Variants in FAM117A observed in about 807,000 individuals in gnomAD.
FAM117A encodes the protein family with sequence similarity 117 member A.
In FAM117A, 21 loss-of-function variants were observed where a neutral mutation model predicts 44.1. That is an observed-to-expected ratio of 0.48 (90% CI 0.34 to 0.69). The LOEUF is 0.69. FAM117A is among the 30% of genes least tolerant of loss of function. The probability of loss-of-function intolerance (pLI) is 0.01; values close to 1 mark genes in which losing one functional copy is unlikely to be tolerated. For missense variants in FAM117A, 498 were observed against 589.9 expected, an observed-to-expected ratio of 0.84 and a Z score of 1.61; for synonymous variants, 220 against 238.3, an observed-to-expected ratio of 0.92 and a Z score of 0.71.
chr17:49,788,111 T>C (rs980214165), intron 1 of FAM117A, among the ~76,000 whole-genome samples: 9 of 152,178 alleles, frequency 5.9e-5, no homozygotes, highest in African/African-American at 9.7e-5. Context: ...ACTAACTCAC[T>C]TGCTGTTAGC....
intron 1 of FAM117A, among the ~76,000 whole-genome samples, chr17:49,778,156 C>T (rs2073780049): frequency 6.6e-6 from 1 of 152,194 alleles, no homozygotes; most frequent in African/African-American, 2.4e-5. Flanking sequence ...TGACCCTATT[C>T]ATACTTTTCT....
chr17:49,778,570 C>T (rs1024296616), intron 1 of FAM117A, among the ~76,000 whole-genome samples: 1 of 152,212 alleles, frequency 6.6e-6, no homozygotes, highest in African/African-American at 2.4e-5. Context: ...TCTTCCTTTG[C>T]AGGTAGAGTG....
At chr17:49,773,911 G>A (rs1010825076) in intron 1 of FAM117A, among the ~76,000 whole-genome samples, 3 of 151,914 alleles carry the variant, frequency 2.0e-5, no homozygotes, top group South Asian at 4.1e-4. Flanking sequence ...GCGCCACCAC[G>A]CCCAGCTAAT....
rs766220821 is a variant in FAM117A at position 49,720,389 on chromosome 17, A to G, written c.510T>C (p.Ser170=). 6.2e-7 allele frequency: 1 copy of G among 1,613,784 alleles called. No homozygotes were observed. The highest frequency in any genetic ancestry group is 1.7e-5 in the Admixed American group (1 of 60,018). ...QQLQRTKLSR[S]GKEKERGSPL... is the part of the protein sequence containing the mutation. ...GTGAACCTCGCTCCTTCTCTTTCCC[A>G]CTGCGGCTCAGCTTCGTCCTCTGCA... Residue 170 remains serine (S), a synonymous_variant, in exon 4 of 8, where the codon AGT becomes AGC. Transcript: ENST00000240364.
chr17:49,788,922 G>A, upstream of FAM117A: 1 of 1,381,664 alleles, frequency 7.2e-7, no homozygotes, highest in Non-Finnish European at 9.8e-7. Flanking sequence ...AGTTGGCCAC[G>A]CCTCACAGTG....
chr17:49,732,523 T>C (rs748843256), intron 2 of FAM117A, 28 bp downstream of exon 2: 2 of 1,612,684 alleles, frequency 1.2e-6, no homozygotes, highest in Admixed American at 1.7e-5. Context: ...TCCTTATCCC[T>C]TATCCCATCA....
At chr17:49,737,165 T>C (rs535874304) in intron 1 of FAM117A, among the ~76,000 whole-genome samples, 1 of 152,334 alleles carries the variant, frequency 6.6e-6, no homozygotes, top group East Asian at 1.9e-4. Context: ...TGCAACCTTG[T>C]TGCCTAGTAA....
intron 2 of FAM117A, among the ~76,000 whole-genome samples, chr17:49,732,038 G>C (rs2073587590): frequency 6.6e-6 from 1 of 152,126 alleles, no homozygotes; most frequent in Non-Finnish European, 1.5e-5. Flanking sequence ...CGCCTGCCTA[G>C]GCCTCCAAAA....
intron 2 of FAM117A, among the ~76,000 whole-genome samples, chr17:49,725,580 C>A: frequency 6.6e-6 from 1 of 152,250 alleles, no homozygotes; most frequent in East Asian, 1.9e-4. Context: ...GAGTCATGTG[C>A]GTATCTGAGG....
chr17:49,736,534 T>C (rs751044696), intron 1 of FAM117A, among the ~76,000 whole-genome samples: 3 of 152,214 alleles, frequency 2.0e-5, no homozygotes, highest in African/African-American at 4.8e-5. Flanking sequence ...TGTGAGCCAC[T>C]GCACCCGGCC....
At chr17:49,714,566 G>A (rs187631390) in intron 7 of FAM117A, among the ~76,000 whole-genome samples, 20 of 151,924 alleles carry the variant, frequency 1.3e-4, no homozygotes, top group Middle Eastern at 6.8e-3. Context: ...TCGAACTCCT[G>A]GCCTCAAGTG....
upstream of FAM117A, chr17:49,788,688 G>T (rs1567843363): frequency 2.4e-6 from 2 of 835,026 alleles, no homozygotes; most frequent in East Asian, 6.5e-5. Flanking sequence ...TGCGCAGAAC[G>T]CTCCAGACGC....
intron 1 of FAM117A, among the ~76,000 whole-genome samples, chr17:49,788,146 T>C (rs1157995862): frequency 6.6e-6 from 1 of 152,230 alleles, no homozygotes; most frequent in East Asian, 1.9e-4. Flanking sequence ...ATGTCTCCTC[T>C]ACCAGACAGG....
At chr17:49,749,863 T>A (rs149734418) in intron 1 of FAM117A, among the ~76,000 whole-genome samples, 1 of 148,538 alleles carries the variant, frequency 6.7e-6, no homozygotes, top group African/African-American at 2.4e-5. Context: ...TCCTAAGAGG[T>A]GGCCTACTAT....
At chr17:49,769,231 G>C (rs917787048) in intron 1 of FAM117A, among the ~76,000 whole-genome samples, 1 of 151,810 alleles carries the variant, frequency 6.6e-6, no homozygotes, top group Non-Finnish European at 1.5e-5. Context: ...GGAGGCGGAG[G>C]CTGCAGTAAG....
At chr17:49,720,483 A>G (rs1286287142) in intron 3 of FAM117A, 47 bp from the exon 4 acceptor site, 1 of 1,473,142 alleles carries the variant, frequency 6.8e-7, no homozygotes, top group East Asian at 2.3e-5. Flanking sequence ...AGGAAAGCCA[A>G]AGTGCACTGG....
intron 1 of FAM117A, among the ~76,000 whole-genome samples, chr17:49,758,064 C>T (rs1045939730): frequency 6.6e-6 from 1 of 152,222 alleles, no homozygotes; most frequent in Admixed American, 6.5e-5. Flanking sequence ...TGTGGTGGCT[C>T]ACGCCTGTAA....
intron 1 of FAM117A, among the ~76,000 whole-genome samples, chr17:49,750,371 T>A (rs563762493): frequency 6.7e-6 from 1 of 148,962 alleles, no homozygotes; most frequent in Admixed American, 6.7e-5. Context: ...AGGATCAAGA[T>A]GAAGAGAAAG....
At chr17:49,725,502 G>A (rs2073555698) in intron 2 of FAM117A, among the ~76,000 whole-genome samples, 1 of 152,158 alleles carries the variant, frequency 6.6e-6, no homozygotes, top group Non-Finnish European at 1.5e-5. Flanking sequence ...GGATACAATT[G>A]GAAATGTCAG....
Sources: gnomAD v4.1 joint callset for allele counts (sites outside exome capture counted in the v4.1 genomes callset) on GRCh38, gnomAD v4.1.1 for gene constraint, MANE v1.5 for transcripts, NCBI Gene and HGNC (gene_info 2026-07-23, HGNC 2026-07-21) for gene names.